Variants in SLC13A1 observed in about 807,000 individuals in gnomAD.
The protein encoded by SLC13A1 is solute carrier family 13 member 1, also known as Na(+)/sulfate cotransporter.
SLC13A1 carries 65 observed loss-of-function variants against 70.0 expected under a neutral mutation model. The ratio of observed to expected loss-of-function variants is 0.93; its 90% CI spans 0.76 to 1.14. SLC13A1 has a LOEUF of 1.14. Ranked by LOEUF, SLC13A1 falls within the 50% of genes most tolerant of loss-of-function variation. The probability of loss-of-function intolerance (pLI) is 0.00; values close to 1 mark genes in which losing one functional copy is unlikely to be tolerated. For synonymous variants in SLC13A1, 275 were observed against 250.5 expected (o/e 1.10, Z -0.92); for missense variants, 726 against 717.8 (o/e 1.01, Z -0.13).
Position 123,129,421 on chromosome 7 carries a change from C to A in SLC13A1, c.993G>T (p.Glu331Asp), listed in dbSNP as rs1793680536. 1 of 1,607,786 alleles carries A rather than the reference C, an allele frequency of 6.2e-7. No homozygotes were observed. Among genetic ancestry groups the A allele is most frequent in the Admixed American group, 1.7e-5 (1 of 58,928 alleles). The stretch of plus-strand genomic sequence containing the variant: ...GCTTTTGGTATTCTTGCTTAATCAC[C>A]TCAGCACAAGCTTTTTGTTGGACTG... ...TKTVQQKACA[E>D]VIKQEYQKLG... Residue 331 changes from glutamate to aspartate, a missense_variant, in exon 9 of 15, where the codon GAG becomes GAT. Physicochemically the swap from Glu to Asp is conservative, Grantham distance 45. Transcript: ENST00000194130.
At chr7:123,128,607 T>A (rs966846306) in intron 10 of SLC13A1, among the ~76,000 whole-genome samples, 3 of 152,184 alleles carry the variant, frequency 2.0e-5, no homozygotes, top group East Asian at 3.9e-4. Context: ...GGAATAATTT[T>A]GTCTAATGGA....
chr7:123,190,887 T>A (rs898572541), intron 1 of SLC13A1, among the ~76,000 whole-genome samples: 1 of 152,204 alleles, frequency 6.6e-6, no homozygotes, highest in African/African-American at 2.4e-5. Context: ...ATTTTATACT[T>A]TCCTGCTCTT....
chr7:123,191,654 A>C (rs1266349763), intron 1 of SLC13A1, among the ~76,000 whole-genome samples: 1 of 152,196 alleles, frequency 6.6e-6, no homozygotes, highest in Non-Finnish European at 1.5e-5. Context: ...TGGGCAAGTA[A>C]TACTCATGAA....
intron 7 of SLC13A1, among the ~76,000 whole-genome samples, chr7:123,135,709 T>G (rs1180610453): frequency 6.6e-6 from 1 of 152,138 alleles, no homozygotes; most frequent in Non-Finnish European, 1.5e-5. Context: ...TAATGGGCCC[T>G]CAAAACTCTA....
chr7:123,158,347 A>G (rs1011838680), intron 6 of SLC13A1, among the ~76,000 whole-genome samples: 2 of 152,012 alleles, frequency 1.3e-5, no homozygotes, highest in African/African-American at 2.4e-5. Context: ...AATTTAAATA[A>G]CAATTTAAAA....
At position 123,114,641 on chromosome 7, in the gene SLC13A1, T is replaced by C. The variant is rs1793120971; in HGVS notation, c.*877A>G. The C allele has an allele frequency of 6.6e-6, 1 of 152,182 alleles. No homozygotes were observed. The highest frequency in any genetic ancestry group is 1.5e-5 in the Non-Finnish European group (1 of 68,012). The allele number at this position is 152,182 out of a possible 1,614,324, so 9.4% of individuals were successfully genotyped here. A position where few individuals can be genotyped will look rare whatever the true frequency, so the allele number is the denominator to read the frequency against. Reference sequence around the variant, plus strand: ...TCTTTATTTTTAACATATGACATTATGTATTTCTGAACTAAGATAAACACT... The same window carrying C: ...TCTTTATTTTTAACATATGACATTACGTATTTCTGAACTAAGATAAACACT... On this transcript the variant is annotated 3_prime_UTR_variant, in exon 15 of 15. Transcript: ENST00000194130.
intron 7 of SLC13A1, 146 bp from the exon 8 acceptor site, chr7:123,134,675 C>A (rs2470984): frequency 0.3 from 173,682 of 584,892 alleles, 28,241 homozygotes; most frequent in African/African-American, 0.51. Context: ...AAATAGAGTA[C>A]TTTTACCCCT....
rs771018735 is a variant in SLC13A1, at chr7:123,181,051, T to C, written c.150A>G (p.Thr50=). Residue 50 remains threonine, a synonymous_variant, in exon 2 of 15, where the codon ACA becomes ACG. Transcript: ENST00000194130. ...CTGTTACCGACAGAGGCAATGCTTC[T>C]GTGAGCCAAAATGTGGCGACCACAA... ...TLFVVATFWL[T]EALPLSVTAL... is the part of the protein sequence containing the mutation. 6.2e-7 allele frequency: 1 copy of C among 1,612,954 alleles called. No homozygotes were observed.
In SLC13A1 at chr7:123,169,248, C is replaced by A. The variant is rs28364195; in HGVS notation, c.453G>T (p.Ala151=). ...TGATGATCTGCTGCACTACAGCCTC[C>A]GCAATGGGCATCACCATGGCAGCCG... is the stretch of plus-strand genomic sequence containing the variant. ...TSTAAMVMPI[A]EAVVQQIINA... The change falls in exon 4 of 15, where the codon GCG becomes GCT. Residue 151 remains alanine, a synonymous_variant. Transcript: ENST00000194130. The A allele has an allele frequency of 1.2e-6, 2 of 1,614,018 alleles. No individual in the cohort carries two copies. The highest frequency in any genetic ancestry group is 1.7e-6 in the Non-Finnish European group (2 of 1,180,000).
intron 2 of SLC13A1, among the ~76,000 whole-genome samples, chr7:123,174,234 T>G (rs1795373219): frequency 1.3e-5 from 2 of 152,204 alleles, no homozygotes; most frequent in Admixed American, 1.3e-4. Context: ...ACCAAGATCT[T>G]TATTTCCACA....
chr7:123,145,676 A>C (rs903639764), intron 7 of SLC13A1, among the ~76,000 whole-genome samples: 3 of 151,508 alleles, frequency 2.0e-5, no homozygotes, highest in Admixed American at 2.0e-4. Context: ...TAAACCAAAA[A>C]CCTTTTAAAG....
chr7:123,149,149 T>G (rs913268726), intron 6 of SLC13A1, among the ~76,000 whole-genome samples: 1 of 152,114 alleles, frequency 6.6e-6, no homozygotes, highest in Non-Finnish European at 1.5e-5. Context: ...GGTCTCTTTA[T>G]GTTGAAATCC....
chr7:123,184,640 C>T (rs561632820), intron 1 of SLC13A1, among the ~76,000 whole-genome samples: 1 of 151,636 alleles, frequency 6.6e-6, no homozygotes, highest in East Asian at 1.9e-4. Context: ...TCTCTCTCTC[C>T]ATGTGTGTGT....
intron 6 of SLC13A1, chr7:123,148,336 A>G: frequency 3.0e-6 from 1 of 333,744 alleles, no homozygotes; most frequent in Admixed American, 4.3e-5. Flanking sequence ...TCCTGGCCTC[A>G]CAGATTTTTT....
At chr7:123,189,521 T>C in intron 1 of SLC13A1, among the ~76,000 whole-genome samples, 1 of 152,294 alleles carries the variant, frequency 6.6e-6, no homozygotes, top group South Asian at 2.1e-4. Context: ...TTAATAGTGT[T>C]AGATTTTCAT....
intron 6 of SLC13A1, among the ~76,000 whole-genome samples, chr7:123,163,038 T>C (rs962470143): frequency 2.0e-5 from 3 of 152,200 alleles, no homozygotes; most frequent in East Asian, 1.9e-4. Flanking sequence ...TGTAAAACTC[T>C]GGGCTGTCTC....
intron 6 of SLC13A1, among the ~76,000 whole-genome samples, chr7:123,164,563 C>CAAA (rs559113734): frequency 6.8e-6 from 1 of 147,760 alleles, no homozygotes; most frequent in Non-Finnish European, 1.5e-5. Flanking sequence ...TGCAGATTAC[C>CAAA]AAAAAAAAAG....
At chr7:123,166,397 AT>A (rs58324094) in intron 6 of SLC13A1, among the ~76,000 whole-genome samples, 96,317 of 151,482 alleles carry the variant, frequency 0.64, 31,236 homozygotes, top group South Asian at 0.71. Flanking sequence ...CCATTTCTTT[AT>A]TTTTTTTTAT....
intron 7 of SLC13A1, among the ~76,000 whole-genome samples, chr7:123,138,136 T>C (rs1220554016): frequency 6.6e-6 from 1 of 152,162 alleles, no homozygotes; most frequent in Admixed American, 6.6e-5. Context: ...TTTGTTTTAA[T>C]TTTAGATCCC....
Sources: gnomAD v4.1 joint callset for allele counts (sites outside exome capture counted in the v4.1 genomes callset) on GRCh38, gnomAD v4.1.1 for gene constraint, MANE v1.5 for transcripts, NCBI Gene and HGNC (gene_info 2026-07-23, HGNC 2026-07-21) for gene names.